WBP2: variants seen among roughly 807,000 people sequenced by gnomAD.
WBP2 encodes WW domain-binding protein 2.
A neutral mutation model predicts 33.0 loss-of-function variants in WBP2; 23 were observed. The ratio of observed to expected loss-of-function variants is 0.70; its 90% CI spans 0.50 to 0.99. WBP2 has a LOEUF of 0.99. Ranked by LOEUF, WBP2 falls within the 50% of genes least tolerant of loss-of-function variation. The pLI, the probability that WBP2 is intolerant of heterozygous loss-of-function variation, is 0.00. For missense variants in WBP2, 353 were observed against 358.0 expected, an observed-to-expected ratio of 0.99 and a Z score of 0.11; for synonymous variants, 153 against 133.5, an observed-to-expected ratio of 1.15 and a Z score of -1.01.
chr17:75,847,383 C>T (rs1487638061), intron 6 of WBP2, 104 bp downstream of exon 6: 1 of 1,520,204 alleles, frequency 6.6e-7, no homozygotes, highest in Non-Finnish European at 8.9e-7. Flanking sequence ...GGTCATCCAT[C>T]ATCTGCGGCT....
In WBP2 at chr17:75,848,829, C is replaced by T. The variant is rs766934566; in HGVS notation, c.305-167G>A. ...GGTGCCATGGTTTCCAGCCTGCTGC[C>T]TGCATAGGAGCCAGCACTGCAGCCT... On this transcript the variant is annotated intron_variant, in intron 3 of 7. Transcript: ENST00000254806. 8.6e-5 allele frequency: 56 copies of T among 653,106 alleles called. No individual in the cohort carries two copies. The South Asian group carries it at 9.4e-4, about 11-fold the overall frequency. 40.5% of individuals were successfully genotyped at this position (653,106 alleles called of 1,614,324 possible). A position where few individuals can be genotyped will look rare whatever the true frequency, so the allele number is the denominator to read the frequency against.
rs1197015541 is a variant in WBP2, at chr17:75,853,008, T to A, written c.60-1332A>T. On this transcript the variant is annotated intron_variant, in intron 1 of 7. Coordinates refer to ENST00000254806, the MANE Select transcript of WBP2 (RefSeq NM_012478.4). ...ACAGCTTTCATCATTGTCAAAGGAGTTCACGACTTGAAGAGTAACGTTCAC... is the reference window on the plus strand; with the variant it reads ...ACAGCTTTCATCATTGTCAAAGGAGATCACGACTTGAAGAGTAACGTTCAC... Among the ~76,000 whole-genome samples the A allele has an allele frequency of 2.0e-5, 3 of 151,536 alleles. No homozygotes were observed. The East Asian group carries it at 5.8e-4, about 29-fold the overall frequency.
At chr17:75,856,301 C>G (rs2065058289), upstream of WBP2, 1 of 152,008 alleles carries the variant, frequency 6.6e-6, no homozygotes, top group Non-Finnish European at 1.5e-5. Context: ...GGGGGCTGCA[C>G]TTCCCACGTG....
At chr17:75,855,108 G>C in intron 1 of WBP2, 131 bp downstream of exon 1, 18 of 202,570 alleles carry the variant, frequency 8.9e-5, no homozygotes, top group South Asian at 3.8e-4. Flanking sequence ...CCCGCCCCCA[G>C]CCGTTCCCCA....
intron 3 of WBP2, 118 bp from the exon 4 acceptor site, chr17:75,848,780 C>T: frequency 1.1e-6 from 1 of 879,466 alleles, no homozygotes. Context: ...GGGGGCTGGG[C>T]CTGCACTGTG....
chr17:75,849,865 T>C, intron 2 of WBP2, 126 bp from the exon 3 acceptor site: 1 of 1,317,884 alleles, frequency 7.6e-7, no homozygotes, highest in Non-Finnish European at 1.0e-6. Flanking sequence ...CATGGCTCTC[T>C]CTGTGCCAGA....
At chr17:75,849,501 G>C in intron 3 of WBP2, 103 bp downstream of exon 3, 1 of 1,455,740 alleles carries the variant, frequency 6.9e-7, no homozygotes, top group Non-Finnish European at 9.4e-7. Flanking sequence ...GTCATGGCTA[G>C]GGCGATAAGG....
At chr17:75,853,012 C>T (rs1317456893) in intron 1 of WBP2, among the ~76,000 whole-genome samples, 1 of 152,028 alleles carries the variant, frequency 6.6e-6, no homozygotes, top group African/African-American at 2.4e-5. Context: ...AAGGAGTTCA[C>T]GACTTGAAGA....
intron 1 of WBP2, chr17:75,854,994 C>T: frequency 1.7e-6 from 1 of 571,586 alleles, no homozygotes; most frequent in South Asian, 2.1e-5. Context: ...CTAGGCCCCA[C>T]CGGGGGCCCC....
chr17:75,855,861 C>T (rs1458066481), upstream of WBP2, among the ~76,000 whole-genome samples: 1 of 152,240 alleles, frequency 6.6e-6, no homozygotes. Context: ...TTTAGCTGAG[C>T]CGGAGGCCCC....
Position 75,848,665 on chromosome 17 carries a change from GAA to G in WBP2, c.305-5_305-4del. ...GGAAGCAGAGCCTTCCCAGCCACCT[GAA>G]AGGGGAAGGACAGTGAATAAACAGC... On this transcript the variant is annotated splice_region_variant and splice_polypyrimidine_tract_variant and intron_variant, in intron 3 of 7. Transcript: ENST00000254806. 1 of 1,612,174 alleles carries G rather than the reference GAA, an allele frequency of 6.2e-7. No homozygotes were observed. Among genetic ancestry groups the G allele is most frequent in the Non-Finnish European group, 8.5e-7 (1 of 1,178,748 alleles).
chr17:75,856,326 CGTT>C (rs1224232986), upstream of WBP2: 2 of 151,972 alleles, frequency 1.3e-5, no homozygotes, highest in Non-Finnish European at 2.9e-5. Flanking sequence ...TTCCGGTACT[CGTT>C]AATGTTAAGG....
At position 75,846,637 on chromosome 17, in the gene WBP2, G is replaced by A; in HGVS notation, c.*97C>T. 1 of 1,375,566 alleles carries A rather than the reference G, an allele frequency of 7.3e-7. No homozygotes were observed. The allele number at this position is 1,375,566 out of a possible 1,614,324, so 85.2% of individuals were successfully genotyped here. ...TTGTTTATGATCAGACCTGGAGGGA[G>A]AACAAGGCGCCCCCTCCCCTCCCCA... On this transcript the variant is annotated 3_prime_UTR_variant, in exon 8 of 8. Transcript: ENST00000254806. The surrounding 1 kb of genome is among the most constrained non-coding windows in gnomAD (Gnocchi z 4.8).
intron 6 of WBP2, 74 bp from the exon 7 acceptor site, chr17:75,847,058 C>A: frequency 6.4e-7 from 1 of 1,557,012 alleles, no homozygotes; most frequent in East Asian, 2.3e-5. Context: ...ACCCCGGGCC[C>A]CCATGGCTCG....
intron 4 of WBP2, 190 bp downstream of exon 4, chr17:75,848,380 G>A (rs913122857): frequency 1.6e-6 from 1 of 615,046 alleles, no homozygotes; most frequent in Non-Finnish European, 2.9e-6. Context: ...GGGAAACGCA[G>A]TCTCTGAGGT....
chr17:75,851,207 C>T (rs2065025526), intron 2 of WBP2: 2 of 206,346 alleles, frequency 9.7e-6, no homozygotes, highest in East Asian at 2.0e-4. Flanking sequence ...GGATTTCTCA[C>T]TCTGGATACA....
chr17:75,855,160 C>T (rs1599427234), intron 1 of WBP2, 79 bp downstream of exon 1: 113 of 515,622 alleles, frequency 2.2e-4, no homozygotes, highest in Non-Finnish European at 3.4e-4. Context: ...GGGGCTTATT[C>T]CCCACCACCC....
intron 6 of WBP2, chr17:75,847,227 GC>G: frequency 1.5e-6 from 1 of 682,712 alleles, no homozygotes; most frequent in Non-Finnish European, 2.5e-6. Context: ...TGACCGACCA[GC>G]TGAGTGTAGA....
chr17:75,853,826 ACGAGGTCAGGAGTT>A (rs2143934487), intron 1 of WBP2, among the ~76,000 whole-genome samples: 1 of 152,174 alleles, frequency 6.6e-6, no homozygotes, highest in African/African-American at 2.4e-5. Context: ...AGGGTGGATC[ACGAGGTCAGGAGTT>A]CGAGACCAGC....
Sources: gnomAD v4.1 joint callset for allele counts (sites outside exome capture counted in the v4.1 genomes callset) on GRCh38, gnomAD v4.1.1 for gene constraint, Gnocchi (gnomAD v3.1) non-coding constraint, MANE v1.5 for transcripts, NCBI Gene and HGNC (gene_info 2026-07-23, HGNC 2026-07-21) for gene names.